Variants in DTNA observed in about 807,000 individuals in gnomAD.
The protein encoded by DTNA is dystrophin-related protein 3.
A neutral mutation model predicts 100.7 loss-of-function variants in DTNA; 43 were observed. The observed-to-expected ratio is 0.43, with a 90% confidence interval of 0.33 to 0.55. The LOEUF (loss-of-function observed/expected upper bound fraction) is 0.55. DTNA is among the 20% of genes least tolerant of loss of function. The pLI is 0.04. For synonymous variants in DTNA, 349 were observed against 347.9 expected (o/e 1.00, Z -0.04); for missense variants, 798 against 953.9 (o/e 0.84, Z 2.15).
chr18:34,514,349 T>C (rs2041385377), intron 1 of DTNA, among the ~76,000 whole-genome samples: 1 of 152,098 alleles, frequency 6.6e-6, no homozygotes, highest in Non-Finnish European at 1.5e-5. Flanking sequence ...CTGCCAGAAT[T>C]TCTGATTAAT....
intron 1 of DTNA, among the ~76,000 whole-genome samples, chr18:34,734,830 C>T (rs1360514170): frequency 6.6e-6 from 1 of 152,162 alleles, no homozygotes; most frequent in African/African-American, 2.4e-5. Flanking sequence ...GCATAACTCT[C>T]TAAACAGTTC....
intron 1 of DTNA, among the ~76,000 whole-genome samples, chr18:34,508,892 T>C (rs144299023): frequency 1.3e-5 from 2 of 152,274 alleles, no homozygotes; most frequent in East Asian, 3.9e-4. Context: ...TTTGAAAATG[T>C]CTTTTTCTGT....
At chr18:34,598,444 A>G (rs962803119) in intron 1 of DTNA, among the ~76,000 whole-genome samples, 2 of 152,210 alleles carry the variant, frequency 1.3e-5, no homozygotes, top group Admixed American at 6.5e-5. Context: ...CATTGCATAC[A>G]ACCTCAATTT....
At chr18:34,773,485 G>A (rs745651084) in intron 3 of DTNA, among the ~76,000 whole-genome samples, 45 of 152,322 alleles carry the variant, frequency 3.0e-4, no homozygotes, top group African/African-American at 9.6e-4. Flanking sequence ...ATTCACAGTT[G>A]GGGAAATAAA....
At chr18:34,617,223 C>A (rs2055484625) in intron 1 of DTNA, among the ~76,000 whole-genome samples, 2 of 152,136 alleles carry the variant, frequency 1.3e-5, no homozygotes, top group Non-Finnish European at 2.9e-5. Context: ...ATGCTCCCAG[C>A]TTTTGCCCAT....
intron 10 of DTNA, among the ~76,000 whole-genome samples, chr18:34,828,242 T>C (rs2095907697): frequency 6.6e-6 from 1 of 152,210 alleles, no homozygotes; most frequent in African/African-American, 2.4e-5. Flanking sequence ...TCCATTGCCA[T>C]GTGAGCAAGA....
intron 1 of DTNA, among the ~76,000 whole-genome samples, chr18:34,495,193 A>AAGGTATGT (rs1398544144): frequency 6.6e-6 from 1 of 152,230 alleles, no homozygotes; most frequent in Non-Finnish European, 1.5e-5. Context: ...ATGAAGATGA[A>AAGGTATGT]CCTTAATAGG....
Position 34,851,948 on chromosome 18 carries a change from C to T in DTNA, c.1532+20C>T, listed in dbSNP as rs1216263989. On this transcript the variant is annotated intron_variant, in intron 15 of 22. Coordinates refer to ENST00000444659, the MANE Select transcript of DTNA (RefSeq NM_001386795.1). ...GAACAGGTGAGACTTTGTAGACGTGCTGGCTTGTTTGATCAATGTGCGCAT... is the reference window on the plus strand; with the variant it reads ...GAACAGGTGAGACTTTGTAGACGTGTTGGCTTGTTTGATCAATGTGCGCAT... 1 of 1,611,380 alleles carries T rather than the reference C, an allele frequency of 6.2e-7. No individual in the cohort carries two copies. The highest frequency in any genetic ancestry group is 8.5e-7 in the Non-Finnish European group (1 of 1,177,810).
chr18:34,698,720 G>T (rs1184644767), intron 1 of DTNA, among the ~76,000 whole-genome samples: 1 of 152,162 alleles, frequency 6.6e-6, no homozygotes, highest in Non-Finnish European at 1.5e-5. Flanking sequence ...TTGAGGTCAG[G>T]AAGCATCTAG....
At chr18:34,539,285 A>G (rs1402440459) in intron 1 of DTNA, among the ~76,000 whole-genome samples, 1 of 151,964 alleles carries the variant, frequency 6.6e-6, no homozygotes, top group Non-Finnish European at 1.5e-5. Flanking sequence ...ATGAATATGA[A>G]GATGTTTGTC....
chr18:34,700,500 G>A (rs1416031643), intron 1 of DTNA, among the ~76,000 whole-genome samples: 1 of 151,974 alleles, frequency 6.6e-6, no homozygotes, highest in African/African-American at 2.4e-5. Context: ...CTATTACATA[G>A]TTTATCCCTT....
chr18:34,721,656 A>G (rs543516588), intron 1 of DTNA, among the ~76,000 whole-genome samples: 5 of 152,238 alleles, frequency 3.3e-5, no homozygotes, highest in Non-Finnish European at 7.3e-5. Context: ...AAAACTAATC[A>G]AAGGAAATTA....
chr18:34,618,667 A>G (rs972132136), intron 1 of DTNA, among the ~76,000 whole-genome samples: 4 of 152,192 alleles, frequency 2.6e-5, no homozygotes, highest in Admixed American at 2.6e-4. Flanking sequence ...AAAGAACTTC[A>G]AAACAATGTC....
intron 1 of DTNA, among the ~76,000 whole-genome samples, chr18:34,503,279 ATTTTTTTT>A (rs869258771): frequency 6.4e-5 from 4 of 62,092 alleles, no homozygotes; most frequent in South Asian, 7.6e-4. Context: ...TAATTGGCTC[ATTTTTTTT>A]TTTTTTTTTT....
At chr18:34,881,727 G>A (rs71363474) in intron 20 of DTNA, among the ~76,000 whole-genome samples, 2 of 152,062 alleles carry the variant, frequency 1.3e-5, no homozygotes, top group African/African-American at 4.8e-5. Context: ...AGAGCCCTCA[G>A]ATTGGGAAAA....
At chr18:34,562,003 T>G (rs908238569) in intron 1 of DTNA, among the ~76,000 whole-genome samples, 9 of 152,228 alleles carry the variant, frequency 5.9e-5, no homozygotes, top group African/African-American at 2.2e-4. Context: ...CCAAGTTATC[T>G]TTGTTTGTAT....
chr18:34,730,704 T>G (rs1355502022), intron 1 of DTNA, among the ~76,000 whole-genome samples: 1 of 152,188 alleles, frequency 6.6e-6, no homozygotes, highest in African/African-American at 2.4e-5. Flanking sequence ...TTCACCACCT[T>G]TGGGAATACT....
At chr18:34,585,820 T>C (rs1369850662) in intron 1 of DTNA, among the ~76,000 whole-genome samples, 1 of 152,188 alleles carries the variant, frequency 6.6e-6, no homozygotes, top group African/African-American at 2.4e-5. Flanking sequence ...TTCAAAGGTA[T>C]AGAGAGGTGG....
intron 1 of DTNA, among the ~76,000 whole-genome samples, chr18:34,556,278 T>C (rs1211292367): frequency 1.3e-5 from 2 of 152,152 alleles, no homozygotes; most frequent in African/African-American, 4.8e-5. Flanking sequence ...GCACGTGAGA[T>C]GGGTTTCCTG....
Sources: allele counts gnomAD v4.1 joint callset (sites outside exome capture counted in the v4.1 genomes callset), GRCh38; gene constraint gnomAD v4.1.1; transcripts MANE v1.5; gene names NCBI Gene and HGNC (gene_info 2026-07-23, HGNC 2026-07-21).